Variants in MAP3K4 observed in about 807,000 individuals in gnomAD.
The protein encoded by MAP3K4 is mitogen-activated protein kinase kinase kinase 4.
A neutral mutation model predicts 185.6 loss-of-function variants in MAP3K4; 67 were observed. The observed-to-expected ratio is 0.36, with a 90% CI of 0.30 to 0.44. The LOEUF is 0.44. MAP3K4 is among the 20% of genes least tolerant of loss of function. The probability of loss-of-function intolerance (pLI) is 1.00; values close to 1 mark genes in which losing one functional copy is unlikely to be tolerated. For synonymous variants in MAP3K4, 702 were observed against 710.4 expected (o/e 0.99, Z 0.19); for missense variants, 1,551 against 1,995.1 (o/e 0.78, Z 4.24).
chr6:161,096,917 CATA>C lies in MAP3K4; in HGVS notation c.3428-159_3428-157del, dbSNP rs1193932908. On this transcript the variant is annotated intron_variant, in intron 15 of 26. Coordinates refer to ENST00000392142, the MANE Select transcript of MAP3K4 (RefSeq NM_005922.4). This position sits in a 1 kb window ranked among gnomAD's most constrained non-coding sequence, Gnocchi z 4.9. Reference sequence around the variant, plus strand: ...CTGACTTTTAAAAAGTGACATTTTCCATAATATTTGTATATGTAATATTATTTT... The same window carrying C: ...CTGACTTTTAAAAAGTGACATTTTCCATATTTGTATATGTAATATTATTTT... The C allele has an allele frequency of 3.8e-6, 2 of 520,244 alleles. No homozygotes were observed. The highest frequency in any genetic ancestry group is 6.9e-6 in the Non-Finnish European group (2 of 290,152). The allele number at this position is 520,244 out of a possible 1,614,324, so 32.2% of individuals were successfully genotyped here. A position where few individuals can be genotyped will look rare whatever the true frequency, so the allele number is the denominator to read the frequency against.
rs375827416 is a variant in MAP3K4 at position 161,048,480 on chromosome 6, A to C, written c.344-136A>C. ...TTTTTTGATTCCTTTAATTTTTAGG[A>C]TATGGTATGCTTTTTTTTCTTCCAT... On this transcript the variant is annotated intron_variant, in intron 2 of 26. Coordinates refer to ENST00000392142, the MANE Select transcript of MAP3K4 (RefSeq NM_005922.4). The surrounding 1 kb of genome is among the most constrained non-coding windows in gnomAD (Gnocchi z 4.7). 111 of 606,604 alleles carry C rather than the reference A, an allele frequency of 1.8e-4. 2 individuals carry two copies. In the South Asian group the frequency reaches 2.6e-3, roughly 14 times the overall value. 37.6% of individuals were successfully genotyped at this position (606,604 alleles called of 1,614,324 possible).
chr6:161,046,863 A>T (rs1783750740), intron 2 of MAP3K4, among the ~76,000 whole-genome samples: 1 of 149,578 alleles, frequency 6.7e-6, no homozygotes, highest in African/African-American at 2.4e-5. Context: ...AATCTCTTAT[A>T]TATTCCCAAC....
At chr6:160,993,450 C>T (rs1474497597) in intron 1 of MAP3K4, among the ~76,000 whole-genome samples, 1 of 152,142 alleles carries the variant, frequency 6.6e-6, no homozygotes, top group Non-Finnish European at 1.5e-5. Context: ...TTCAACAACT[C>T]TATGAGGTAG....
chr6:161,046,792 T>C, intron 2 of MAP3K4, among the ~76,000 whole-genome samples: 1 of 150,974 alleles, frequency 6.6e-6, no homozygotes, highest in Admixed American at 6.6e-5. Context: ...CATGTAAATA[T>C]ACCCTATTCC....
intron 1 of MAP3K4, among the ~76,000 whole-genome samples, chr6:161,003,301 C>T (rs933832717): frequency 9.2e-5 from 14 of 152,144 alleles, no homozygotes; most frequent in Admixed American, 6.5e-5. Context: ...AGGTATAGAT[C>T]GCTTAAGAGG....
At position 161,101,900 on chromosome 6, in the gene MAP3K4, G is replaced by A. The variant is rs776532087; in HGVS notation, c.3683G>A (p.Ser1228Asn). 20 of 1,613,458 alleles carry A rather than the reference G, an allele frequency of 1.2e-5. No individual in the cohort carries two copies. In the East Asian group the frequency reaches 3.3e-4, roughly 27 times the overall value. ...ISSAHDTRGS[S>N]VPENDRLASI... ...TAAAAATATTAAAACAGGGGTTCCA[G>A]CGTTCCTGAAAATGATCGATTGGCT... Residue 1228 changes from serine to asparagine, a missense_variant, in exon 18 of 27, where the codon AGC becomes AAC. This residue lies in a region of MAP3K4 where 272 missense variants were observed against 301.2 expected (regional missense o/e 0.90). Coordinates refer to ENST00000392142, the MANE Select transcript of MAP3K4 (RefSeq NM_005922.4). The surrounding 1 kb of genome is among the most constrained non-coding windows in gnomAD (Gnocchi z 5.1).
intron 7 of MAP3K4, among the ~76,000 whole-genome samples, chr6:161,085,425 T>C (rs1205890580): frequency 6.6e-6 from 1 of 152,224 alleles, no homozygotes; most frequent in Non-Finnish European, 1.5e-5. Flanking sequence ...ACTTTTGAAA[T>C]TGCTACTCTT....
chr6:161,094,234 T>C (rs1471239392), intron 15 of MAP3K4, among the ~76,000 whole-genome samples: 1 of 152,248 alleles, frequency 6.6e-6, no homozygotes, highest in East Asian at 1.9e-4. Context: ...ATCACTTCCC[T>C]GTCCCCCGTT....
chr6:161,006,082 G>A (rs888537162), intron 1 of MAP3K4, among the ~76,000 whole-genome samples: 3 of 152,166 alleles, frequency 2.0e-5, no homozygotes, highest in African/African-American at 2.4e-5. Flanking sequence ...CACTGTGCCC[G>A]ACCAACATGG....
chr6:161,062,783 CT>C (rs1243283230), intron 3 of MAP3K4, among the ~76,000 whole-genome samples: 1 of 152,050 alleles, frequency 6.6e-6, no homozygotes, highest in Non-Finnish European at 1.5e-5. Context: ...GGATTTTTTT[CT>C]TTAAACTCTA....
Position 161,075,472 on chromosome 6 carries a change from T to C in MAP3K4, c.2097+1860T>C, listed in dbSNP as rs545329934. On this transcript the variant is annotated intron_variant, in intron 5 of 26. Coordinates refer to ENST00000392142, the MANE Select transcript of MAP3K4 (RefSeq NM_005922.4). This position sits in a 1 kb window ranked among gnomAD's most constrained non-coding sequence, Gnocchi z 4.3. The stretch of plus-strand genomic sequence containing the variant: ...ACACCTGCCCACTATATATTTCTTA[T>C]GTCAAAAAAATCTTTATCTTGAAAA... Among the ~76,000 whole-genome samples the C allele has an allele frequency of 1.3e-5, 2 of 152,202 alleles. No homozygotes were observed. Among genetic ancestry groups the C allele is most frequent in the African/African-American group, 4.8e-5 (2 of 41,450 alleles).
chr6:161,046,367 A>G (rs1427911271), intron 2 of MAP3K4, among the ~76,000 whole-genome samples: 4 of 152,082 alleles, frequency 2.6e-5, no homozygotes, highest in African/African-American at 9.7e-5. Flanking sequence ...GGTCTAAGCA[A>G]TTTTTTTATA....
chr6:161,034,386 C>T lies in MAP3K4; in HGVS notation c.280C>T (p.Arg94Cys), dbSNP rs754286552. 17 of 1,613,708 alleles carry T rather than the reference C, an allele frequency of 1.1e-5. No individual in the cohort carries two copies. Among genetic ancestry groups the T allele is most frequent in the East Asian group, 2.2e-5 (1 of 44,876 alleles). The change falls in exon 2 of 27, where the codon CGC (arginine) becomes TGC (cysteine). Residue 94 changes from arginine to cysteine, a missense_variant. Around this residue, in one of 16 missense-constraint regions of MAP3K4, gnomAD observed 287 missense variants for 268.8 expected, o/e 1.07. Transcript: ENST00000392142. This position sits in a 1 kb window ranked among gnomAD's most constrained non-coding sequence, Gnocchi z 4.4. ...SPPSTPRQMK[R>C]MSTKHQRNNV... ...CCCCAGCACACCTCGACAGATGAAA[C>T]GCATGTCAACCAAACATCAGAGGAA...
At chr6:161,020,933 C>T (rs1202019243) in intron 1 of MAP3K4, among the ~76,000 whole-genome samples, 1 of 152,142 alleles carries the variant, frequency 6.6e-6, no homozygotes, top group Non-Finnish European at 1.5e-5. Context: ...CCACATTGAC[C>T]TTATGTGTTC....
chr6:161,041,932 T>TTTTTTTC (rs1783484084), intron 2 of MAP3K4, among the ~76,000 whole-genome samples: 1 of 135,012 alleles, frequency 7.4e-6, no homozygotes, highest in Non-Finnish European at 1.6e-5. Flanking sequence ...TTTTCTTTTT[T>TTTTTTTC]TTTTTTTTAG....
intron 5 of MAP3K4, among the ~76,000 whole-genome samples, chr6:161,079,898 GA>G (rs1785365258): frequency 6.6e-6 from 1 of 152,188 alleles, no homozygotes; most frequent in Admixed American, 6.5e-5. Flanking sequence ...GTTATTACTA[GA>G]TCTCAGAAAA....
intron 1 of MAP3K4, among the ~76,000 whole-genome samples, chr6:161,015,231 C>A (rs1782035125): frequency 6.6e-6 from 1 of 151,806 alleles, no homozygotes; most frequent in South Asian, 2.1e-4. Flanking sequence ...AAACCAAACA[C>A]CACATTTTCA....
rs1056738423 is a variant in MAP3K4 at position 161,050,023 on chromosome 6, A to G, written c.1707+44A>G. 6 of 1,491,642 alleles carry G rather than the reference A, an allele frequency of 4.0e-6. No homozygotes were observed. In the African/African-American group the frequency reaches 8.4e-5, roughly 21 times the overall value. The allele number at this position is 1,491,642 out of a possible 1,614,324, so 92.4% of individuals were successfully genotyped here. On this transcript the variant is annotated intron_variant, in intron 3 of 26. Transcript: ENST00000392142. ...TTAATACAATGATATCCTTAGTTCC[A>G]TTTATTTATTGCAAATTATAATGTT...
rs954190494 is a variant in MAP3K4, at chr6:161,053,305, G to A, written c.1707+3326G>A. On this transcript the variant is annotated intron_variant, in intron 3 of 26. Transcript: ENST00000392142. This position sits in a 1 kb window ranked among gnomAD's most constrained non-coding sequence, Gnocchi z 4.2. ...CAGCACCAATGGGATGGTACTAAAC[G>A]GTCACCTCCCACCAGGCCCCACCCC... 6.6e-6 allele frequency among the ~76,000 whole-genome samples: 1 copy of A among 152,032 alleles called. No homozygotes were observed. Among genetic ancestry groups the A allele is most frequent in the Non-Finnish European group, 1.5e-5 (1 of 67,992 alleles).
Sources: gnomAD v4.1 joint callset for allele counts (sites outside exome capture counted in the v4.1 genomes callset) on GRCh38, gnomAD v4.1.1 for gene constraint, gnomAD v4.1.1 regional missense constraint, Gnocchi (gnomAD v3.1) non-coding constraint, MANE v1.5 for transcripts, NCBI Gene and HGNC (gene_info 2026-07-23, HGNC 2026-07-21) for gene names.